The following NRBF2 variants were observed in gnomAD, a reference collection of about 807,000 sequenced individuals.
NRBF2 encodes the protein nuclear receptor binding factor 2.
NRBF2 carries 12 observed loss-of-function variants against 28.5 expected under a neutral mutation model. The observed-to-expected ratio is 0.42, with a 90% CI of 0.27 to 0.68. The LOEUF (loss-of-function observed/expected upper bound fraction) is 0.68. Among genes scored for constraint, NRBF2 ranks in the 30% least tolerant of loss-of-function variants. The pLI is 0.24. For synonymous variants in NRBF2, 102 were observed against 116.5 expected (o/e 0.88, Z 0.80); for missense variants, 274 against 333.5 (o/e 0.82, Z 1.39).
At chr10:63,147,018 TATAAAA>T (rs781082176) in intron 2 of NRBF2, among the ~76,000 whole-genome samples, 5 of 152,138 alleles carry the variant, frequency 3.3e-5, no homozygotes, top group Non-Finnish European at 5.9e-5. Context: ...TAGTGGTAAG[TATAAAA>T]ATAAAAATAA....
intron 1 of NRBF2, among the ~76,000 whole-genome samples, chr10:63,145,932 A>G (rs1445356925): frequency 6.6e-6 from 1 of 152,184 alleles, no homozygotes; most frequent in Non-Finnish European, 1.5e-5. Context: ...TTTATCTCCA[A>G]AGAGTGGAAG....
intron 3 of NRBF2, 144 bp downstream of exon 3, chr10:63,152,334 C>A: frequency 1.7e-6 from 1 of 593,230 alleles, no homozygotes; most frequent in South Asian, 2.3e-5. Flanking sequence ...GAGCACTTCA[C>A]AACGGAAATT....
chr10:63,135,024 C>CA lies in NRBF2; in HGVS notation c.30+1530dup, dbSNP rs1181891197. 1.3e-4 allele frequency among the ~76,000 whole-genome samples: 20 copies of CA among 152,242 alleles called. No homozygotes were observed. The East Asian group carries it at 2.1e-3, about 16-fold the overall frequency. The stretch of plus-strand genomic sequence containing the variant: ...GCAACATGGCGAAACCCGGTCTCTA[C>CA]AAAAAATACAAAAATAGCCTGGCGT... On this transcript the variant is annotated intron_variant, in intron 1 of 3. Coordinates refer to ENST00000277746, the MANE Select transcript of NRBF2 (RefSeq NM_030759.5).
chr10:63,141,573 A>G (rs1218263399), intron 1 of NRBF2, among the ~76,000 whole-genome samples: 1 of 152,244 alleles, frequency 6.6e-6, no homozygotes, highest in Non-Finnish European at 1.5e-5. Flanking sequence ...TCGAGTATGT[A>G]CCAGTACCAG....
rs140300071 is a variant in NRBF2, at chr10:63,138,094, C to T, written c.30+4594C>T. Reference sequence around the variant, plus strand: ...CCTGTAATCCCAGCACTTTGGGAGACTGAGGTGGGTAGGTCACCGAGACCA... The same window carrying T: ...CCTGTAATCCCAGCACTTTGGGAGATTGAGGTGGGTAGGTCACCGAGACCA... On this transcript the variant is annotated intron_variant, in intron 1 of 3. Coordinates refer to ENST00000277746, the MANE Select transcript of NRBF2 (RefSeq NM_030759.5). Among the ~76,000 whole-genome samples, 924 of 151,912 alleles carry T rather than the reference C, an allele frequency of 6.1e-3. 3 individuals carry two copies. Among genetic ancestry groups the T allele is most frequent in the Admixed American group, 0.011 (165 of 15,244 alleles).
chr10:63,147,461 C>T (rs1008951298), intron 2 of NRBF2, among the ~76,000 whole-genome samples: 3 of 151,958 alleles, frequency 2.0e-5, no homozygotes, highest in African/African-American at 7.3e-5. Context: ...GCTGGGACTA[C>T]AGGTGTGTGC....
intron 1 of NRBF2, among the ~76,000 whole-genome samples, chr10:63,143,142 G>C (rs1189176470): frequency 6.6e-6 from 1 of 152,094 alleles, no homozygotes; most frequent in Non-Finnish European, 1.5e-5. Context: ...TTAGAGGAAA[G>C]TTTGATTACT....
At chr10:63,134,917 G>A (rs186046786) in intron 1 of NRBF2, among the ~76,000 whole-genome samples, 11 of 152,252 alleles carry the variant, frequency 7.2e-5, no homozygotes, top group African/African-American at 2.4e-4. Flanking sequence ...GCCAGGCGCC[G>A]GGGCTCACGC....
At chr10:63,150,115 T>TG (rs1255938164) in intron 2 of NRBF2, among the ~76,000 whole-genome samples, 6 of 147,206 alleles carry the variant, frequency 4.1e-5, no homozygotes, top group Non-Finnish European at 8.9e-5. Context: ...CTAATTTTTG[T>TG]ATTTTTTTTT....
chr10:63,152,063 C>A, intron 2 of NRBF2, 87 bp from the exon 3 acceptor site: 1 of 952,664 alleles, frequency 1.0e-6, no homozygotes, highest in South Asian at 1.4e-5. Context: ...TTCTCTTTGT[C>A]ATATGAAGAT....
intron 2 of NRBF2, among the ~76,000 whole-genome samples, chr10:63,149,668 T>C (rs1841615870): frequency 2.0e-5 from 3 of 152,246 alleles, no homozygotes; most frequent in Admixed American, 2.0e-4. Context: ...ATACTTTAAA[T>C]GACAGTATGA....
At chr10:63,135,647 CTTTT>C (rs763603312) in intron 1 of NRBF2, among the ~76,000 whole-genome samples, 7 of 129,440 alleles carry the variant, frequency 5.4e-5, no homozygotes, top group Admixed American at 7.7e-5. Context: ...ATCTTGAATT[CTTTT>C]TTTTTTTTTT....
chr10:63,135,330 CAG>C (rs967044108), intron 1 of NRBF2, among the ~76,000 whole-genome samples: 19 of 152,190 alleles, frequency 1.2e-4, no homozygotes, highest in Non-Finnish European at 4.4e-5. Flanking sequence ...CTTCAGAGTT[CAG>C]GTGTCCTTGC....
chr10:63,146,161 A>C (rs781099841), intron 1 of NRBF2, 48 bp from the exon 2 acceptor site: 10 of 1,450,512 alleles, frequency 6.9e-6, no homozygotes, highest in Non-Finnish European at 8.7e-6. Flanking sequence ...GAAAGAAATC[A>C]TGTTTTATTT....
At chr10:63,135,048 G>T (rs1457981619) in intron 1 of NRBF2, among the ~76,000 whole-genome samples, 3 of 152,214 alleles carry the variant, frequency 2.0e-5, no homozygotes, top group Non-Finnish European at 4.4e-5. Flanking sequence ...ATAGCCTGGC[G>T]TGGTGGCGCC....
In NRBF2 at chr10:63,133,401, C is replaced by T. The variant is rs769709571; in HGVS notation, c.-70C>T. 2.3e-5 allele frequency: 37 copies of T among 1,593,048 alleles called. No homozygotes were observed. Among genetic ancestry groups the T allele is most frequent in the Middle Eastern group, 3.3e-4 (2 of 5,982 alleles). Reference sequence around the variant, plus strand: ...AGTCTCCGCGGCTGCGTCGAGCTCCCTTGCAGTCCCCTCCATGTTCCCCGG... The same window carrying T: ...AGTCTCCGCGGCTGCGTCGAGCTCCTTTGCAGTCCCCTCCATGTTCCCCGG... On this transcript the variant is annotated 5_prime_UTR_variant, in exon 1 of 4. Transcript: ENST00000277746.
At chr10:63,141,825 G>T (rs944091750) in intron 1 of NRBF2, among the ~76,000 whole-genome samples, 1 of 152,206 alleles carries the variant, frequency 6.6e-6, no homozygotes, top group African/African-American at 2.4e-5. Flanking sequence ...AGTAGGAAAT[G>T]TACTTAAAAT....
intron 1 of NRBF2, 130 bp from the exon 2 acceptor site, chr10:63,146,079 G>A: frequency 1.4e-6 from 1 of 709,610 alleles, no homozygotes. Context: ...GCTACAGATA[G>A]AGCTGTAATA....
At chr10:63,142,293 GT>G (rs1261835924) in intron 1 of NRBF2, among the ~76,000 whole-genome samples, 1 of 135,532 alleles carries the variant, frequency 7.4e-6, no homozygotes, top group Non-Finnish European at 1.6e-5. Flanking sequence ...CAGAACCTTT[GT>G]TTTTTTTGTT....
Sources: allele counts gnomAD v4.1 joint callset (sites outside exome capture counted in the v4.1 genomes callset), GRCh38; gene constraint gnomAD v4.1.1; transcripts MANE v1.5; gene names NCBI Gene and HGNC (gene_info 2026-07-23, HGNC 2026-07-21).